TGFBR3: variants seen among roughly 807,000 people sequenced by gnomAD.
The protein encoded by TGFBR3 is transforming growth factor beta receptor 3.
Under a neutral mutation model 87.9 loss-of-function variants are expected in TGFBR3, and 46 were observed. That is an observed-to-expected ratio of 0.52 (90% CI 0.41 to 0.67). The LOEUF (loss-of-function observed/expected upper bound fraction) is 0.67. Among genes scored for constraint, TGFBR3 ranks in the 30% least tolerant of loss-of-function variants. The pLI is 0.00. For missense variants in TGFBR3, 866 were observed against 1,041.9 expected (o/e 0.83, Z 2.32); for synonymous variants, 381 against 391.6 (o/e 0.97, Z 0.32).
rs545910788 is a variant in TGFBR3 at position 91,738,244 on chromosome 1, C to A, written c.385-3285G>T. 2.0e-4 allele frequency among the ~76,000 whole-genome samples: 30 copies of A among 152,330 alleles called. No homozygotes were observed. The East Asian group carries it at 5.8e-3, about 29-fold the overall frequency. On this transcript the variant is annotated intron_variant, in intron 4 of 16. Transcript: ENST00000212355. Reference sequence around the variant, plus strand: ...TCTTTCTCCATATATGTGAACACTGCATGAAGCATCCACATTAGCTTTGGC... The same window carrying A: ...TCTTTCTCCATATATGTGAACACTGAATGAAGCATCCACATTAGCTTTGGC...
At chr1:91,842,593 C>G (rs1677325757) in intron 2 of TGFBR3, among the ~76,000 whole-genome samples, 1 of 152,186 alleles carries the variant, frequency 6.6e-6, no homozygotes, top group African/African-American at 2.4e-5. Context: ...AGCCATCTCC[C>G]AAGGACATTC....
intron 1 of TGFBR3, among the ~76,000 whole-genome samples, chr1:91,867,005 A>G (rs554921749): frequency 6.6e-6 from 1 of 152,366 alleles, no homozygotes; most frequent in African/African-American, 2.4e-5. Context: ...AGCATGTCAG[A>G]CAAGAAAGGA....
intron 4 of TGFBR3, among the ~76,000 whole-genome samples, chr1:91,753,113 C>T (rs1336357442): frequency 1.3e-5 from 2 of 151,524 alleles, no homozygotes; most frequent in African/African-American, 2.4e-5. Flanking sequence ...CTGCCCAGCA[C>T]TGTGGCTCGC....
At chr1:91,867,960 C>A (rs1056118688) in intron 1 of TGFBR3, among the ~76,000 whole-genome samples, 1 of 152,198 alleles carries the variant, frequency 6.6e-6, no homozygotes, top group Non-Finnish European at 1.5e-5. Flanking sequence ...ACTCTGCCAC[C>A]CAGGCTGGAG....
chr1:91,809,106 A>G (rs188529659), intron 2 of TGFBR3, among the ~76,000 whole-genome samples: 1 of 152,344 alleles, frequency 6.6e-6, no homozygotes, highest in Admixed American at 6.5e-5. Context: ...CTTAATTCCT[A>G]CTAATGCAAT....
chr1:91,901,729 C>T (rs1328718326), intron 1 of TGFBR3, among the ~76,000 whole-genome samples: 3 of 146,938 alleles, frequency 2.0e-5, no homozygotes, highest in African/African-American at 7.5e-5. Context: ...GCCTGGACAA[C>T]ATAGCAAGAC....
At chr1:91,729,313 C>CACAG (rs1370056395) in intron 6 of TGFBR3, among the ~76,000 whole-genome samples, 1 of 148,766 alleles carries the variant, frequency 6.7e-6, no homozygotes, top group Non-Finnish European at 1.5e-5. Context: ...CACACACACA[C>CACAG]AGATTTAACG....
At chr1:91,857,781 T>TA (rs751747765) in intron 2 of TGFBR3, among the ~76,000 whole-genome samples, 34 of 151,658 alleles carry the variant, frequency 2.2e-4, no homozygotes, top group Non-Finnish European at 4.6e-4. Context: ...TCTCCAAAAA[T>TA]AAAAAAAATA....
chr1:91,875,483 G>C (rs1678748736), intron 1 of TGFBR3, among the ~76,000 whole-genome samples: 1 of 152,062 alleles, frequency 6.6e-6, no homozygotes, highest in African/African-American at 2.4e-5. Context: ...AGAAATATGA[G>C]CAACTCAATG....
chr1:91,777,819 G>A, intron 3 of TGFBR3, among the ~76,000 whole-genome samples: 1 of 152,268 alleles, frequency 6.6e-6, no homozygotes, highest in Non-Finnish European at 1.5e-5. Context: ...AGGGCTGCCT[G>A]TCTCCTCACT....
At chr1:91,702,726 T>A (rs1054749105) in intron 14 of TGFBR3, among the ~76,000 whole-genome samples, 4 of 151,680 alleles carry the variant, frequency 2.6e-5, no homozygotes, top group African/African-American at 9.7e-5. Context: ...ATATTTGAAA[T>A]TTTTCAAAAT....
In TGFBR3 at chr1:91,731,274, C is replaced by A. The variant is rs987535776; in HGVS notation, c.569-1301G>T. Among the ~76,000 whole-genome samples the A allele has an allele frequency of 2.6e-5, 4 of 152,144 alleles. No homozygotes were observed. The South Asian group carries it at 8.3e-4, about 32-fold the overall frequency. ...GGTTGATACTGTCCCTCCCCCTCCC[C>A]ACTTGTGCAACCTCCCTTGTGCTGA... On this transcript the variant is annotated intron_variant, in intron 5 of 16. Transcript: ENST00000212355.
chr1:91,818,842 C>T (rs550066228), intron 2 of TGFBR3, among the ~76,000 whole-genome samples: 5 of 152,220 alleles, frequency 3.3e-5, no homozygotes, highest in South Asian at 4.2e-4. Flanking sequence ...TAGAGTTTTG[C>T]ATGTCTTTTG....
intron 4 of TGFBR3, among the ~76,000 whole-genome samples, chr1:91,757,554 A>G (rs1673791746): frequency 6.6e-6 from 1 of 152,232 alleles, no homozygotes; most frequent in South Asian, 2.1e-4. Context: ...AACTTTTATT[A>G]TGATGGTTGC....
chr1:91,702,030 A>C (rs1319089261), intron 14 of TGFBR3, among the ~76,000 whole-genome samples: 1 of 152,134 alleles, frequency 6.6e-6, no homozygotes, highest in Non-Finnish European at 1.5e-5. Context: ...ACGTCTAGAG[A>C]CATTTTGAAT....
chr1:91,713,735 G>C (rs1480587036), intron 12 of TGFBR3, among the ~76,000 whole-genome samples: 1 of 152,302 alleles, frequency 6.6e-6, no homozygotes, highest in East Asian at 1.9e-4. Context: ...TGTCACTGTG[G>C]TGACATTCTG....
At chr1:91,739,241 A>G (rs12066159) in intron 4 of TGFBR3, among the ~76,000 whole-genome samples, 48,632 of 151,928 alleles carry the variant, frequency 0.32, 7,843 homozygotes, top group Middle Eastern at 0.38. Context: ...GCAGGAGATC[A>G]TTAGTAGACT....
chr1:91,721,070 G>A (rs1014215354), intron 8 of TGFBR3, among the ~76,000 whole-genome samples: 1 of 151,984 alleles, frequency 6.6e-6, no homozygotes, highest in Admixed American at 6.6e-5. Context: ...TACTATCTAA[G>A]GCCAACTGAT....
intron 2 of TGFBR3, among the ~76,000 whole-genome samples, chr1:91,799,820 C>T (rs1309228108): frequency 2.0e-5 from 3 of 152,132 alleles, no homozygotes; most frequent in African/African-American, 7.2e-5. Context: ...CACACTGGGG[C>T]AGGGGCAAAA....
Sources: allele counts gnomAD v4.1 joint callset (sites outside exome capture counted in the v4.1 genomes callset), GRCh38; gene constraint gnomAD v4.1.1; transcripts MANE v1.5; gene names NCBI Gene and HGNC (gene_info 2026-07-23, HGNC 2026-07-21).